The following MTFR1 variants were observed in gnomAD, a reference collection of about 807,000 sequenced individuals.
MTFR1 encodes mitochondrial fission regulator 1.
A neutral mutation model predicts 38.8 loss-of-function variants in MTFR1; 28 were observed. The ratio of observed to expected loss-of-function variants is 0.72; its 90% CI spans 0.53 to 0.99. The LOEUF is 0.99. Ranked by LOEUF, MTFR1 falls within the 50% of genes least tolerant of loss-of-function variation. The pLI, the probability that MTFR1 is intolerant of heterozygous loss-of-function variation, is 0.00. For missense variants in MTFR1, 358 were observed against 395.5 expected, an observed-to-expected ratio of 0.91 and a Z score of 0.81; for synonymous variants, 145 against 137.0, an observed-to-expected ratio of 1.06 and a Z score of -0.41.
At chr8:65,661,032 CAATA>C (rs1809399046) in intron 1 of MTFR1, among the ~76,000 whole-genome samples, 1 of 151,968 alleles carries the variant, frequency 6.6e-6, no homozygotes, top group East Asian at 1.9e-4. Flanking sequence ...ACTATGGAGA[CAATA>C]AAAGGATCAG....
intron 3 of MTFR1, 165 bp downstream of exon 3, chr8:65,682,616 T>C (rs948594814): frequency 5.6e-5 from 28 of 496,436 alleles, no homozygotes; most frequent in Non-Finnish European, 6.8e-5. Context: ...CTTTCTAATT[T>C]TAGTTTCTCT....
intron 2 of MTFR1, among the ~76,000 whole-genome samples, chr8:65,716,091 G>T (rs1290964213): frequency 6.7e-6 from 1 of 148,274 alleles, no homozygotes; most frequent in Admixed American, 6.7e-5. Context: ...CTAGGAGGTG[G>T]AGGCTGCAGT....
downstream of MTFR1, chr8:65,714,691 AC>A (rs1021547681): frequency 6.6e-6 from 1 of 152,194 alleles, no homozygotes; most frequent in Non-Finnish European, 1.5e-5. Flanking sequence ...GGGATTTTAA[AC>A]AACATTTATA....
downstream of MTFR1, among the ~76,000 whole-genome samples, chr8:65,776,194 T>C (rs1262375331): frequency 2.0e-5 from 3 of 152,194 alleles, no homozygotes; most frequent in African/African-American, 4.8e-5. Context: ...TTTAGTGAAA[T>C]TGCTATTTCT....
intron 3 of MTFR1, 69 bp from the exon 4 acceptor site, chr8:65,693,575 G>T: frequency 7.5e-7 from 1 of 1,325,862 alleles, no homozygotes; most frequent in African/African-American, 1.4e-5. Context: ...TTTCCTTTAG[G>T]TGAGTAAAAA....
At chr8:65,714,549 C>G (rs1249049609), downstream of MTFR1, 3 of 152,108 alleles carry the variant, frequency 2.0e-5, no homozygotes, top group East Asian at 3.9e-4. Flanking sequence ...TTGCACAGAC[C>G]TGTATTACTC....
chr8:65,737,074 T>A (rs1007973606), intron 3 of MTFR1, among the ~76,000 whole-genome samples: 5 of 151,872 alleles, frequency 3.3e-5, no homozygotes, highest in African/African-American at 1.2e-4. Flanking sequence ...TGCCACTGCA[T>A]TCCAGCCTTA....
intron 3 of MTFR1, among the ~76,000 whole-genome samples, chr8:65,688,969 AC>A (rs1223034654): frequency 6.6e-6 from 1 of 151,432 alleles, no homozygotes; most frequent in Non-Finnish European, 1.5e-5. Context: ...ACATGGTGAA[AC>A]CCCATCTCTA....
chr8:65,765,218 G>A (rs935426618), intron 3 of MTFR1, among the ~76,000 whole-genome samples: 4 of 151,962 alleles, frequency 2.6e-5, no homozygotes, highest in Non-Finnish European at 2.9e-5. Flanking sequence ...AGCCGGGCGC[G>A]GTGGCTCACG....
intron 4 of MTFR1, among the ~76,000 whole-genome samples, chr8:65,703,210 C>T (rs12550401): frequency 6.6e-6 from 1 of 151,296 alleles, no homozygotes; most frequent in East Asian, 1.9e-4. Context: ...GACCCTGTCT[C>T]TTAAAAAAAA....
intron 3 of MTFR1, among the ~76,000 whole-genome samples, chr8:65,769,725 G>A (rs1439610209): frequency 2.0e-5 from 3 of 151,946 alleles, no homozygotes; most frequent in African/African-American, 2.4e-5. Flanking sequence ...GTGAAACCCC[G>A]TCTCTACTGA....
At chr8:65,683,063 T>A (rs928526552) in intron 3 of MTFR1, 7 of 261,376 alleles carry the variant, frequency 2.7e-5, no homozygotes, top group Non-Finnish European at 3.6e-5. Flanking sequence ...GCACCAAATC[T>A]GGAGCAACTC....
intron 4 of MTFR1, among the ~76,000 whole-genome samples, chr8:65,703,724 C>A (rs1805692355): frequency 6.6e-6 from 1 of 151,888 alleles, no homozygotes; most frequent in Admixed American, 6.6e-5. Context: ...TGTGAGCCAC[C>A]CCACCTGGCC....
chr8:65,653,548 A>C (rs1405948986), intron 1 of MTFR1, among the ~76,000 whole-genome samples: 1 of 151,986 alleles, frequency 6.6e-6, no homozygotes, highest in Non-Finnish European at 1.5e-5. Flanking sequence ...AAAAACAGTT[A>C]ATTTAAATTA....
chr8:65,744,546 A>T (rs1361647277), intron 3 of MTFR1, among the ~76,000 whole-genome samples: 1 of 152,070 alleles, frequency 6.6e-6, no homozygotes, highest in Non-Finnish European at 1.5e-5. Context: ...ACCTGTGGGC[A>T]TTTTCCCCCA....
chr8:65,745,256 T>C (rs571337673), intron 3 of MTFR1: 2 of 637,224 alleles, frequency 3.1e-6, no homozygotes, highest in East Asian at 2.9e-5. Context: ...GGTATGTCTT[T>C]ATCAGCAGTG....
At chr8:65,663,640 T>G (rs978408133) in intron 1 of MTFR1, among the ~76,000 whole-genome samples, 3 of 151,188 alleles carry the variant, frequency 2.0e-5, no homozygotes, top group East Asian at 1.9e-4. Context: ...AATAAAAAAG[T>G]ACTAACAATA....
At chr8:65,644,995 G>A (rs1202430862) in intron 1 of MTFR1, among the ~76,000 whole-genome samples, 2 of 152,242 alleles carry the variant, frequency 1.3e-5, no homozygotes, top group East Asian at 3.9e-4. Context: ...GGGCGCGTGG[G>A]TCGGGGGCTC....
At chr8:65,647,115 G>A (rs904503172) in intron 1 of MTFR1, among the ~76,000 whole-genome samples, 3 of 152,172 alleles carry the variant, frequency 2.0e-5, no homozygotes, top group African/African-American at 7.2e-5. Flanking sequence ...CAGGAAGATA[G>A]ATACAGGAAG....
Sources: allele counts gnomAD v4.1 joint callset (sites outside exome capture counted in the v4.1 genomes callset), GRCh38; gene constraint gnomAD v4.1.1; transcripts MANE v1.5; gene names NCBI Gene and HGNC (gene_info 2026-07-23, HGNC 2026-07-21).